BTBD8: variants seen among roughly 807,000 people sequenced by gnomAD.
The protein encoded by BTBD8 is BTB/POZ domain-containing protein 8.
A neutral mutation model predicts 162.9 loss-of-function variants in BTBD8; 110 were observed. The observed-to-expected ratio is 0.68, with a 90% confidence interval of 0.58 to 0.79. The LOEUF (loss-of-function observed/expected upper bound fraction) is 0.79. BTBD8 is among the 30% of genes least tolerant of loss of function. The pLI is 0.00. For synonymous variants in BTBD8, 667 were observed against 716.1 expected, an observed-to-expected ratio of 0.93 and a Z score of 1.10; for missense variants, 1,905 against 2,085.4, an observed-to-expected ratio of 0.91 and a Z score of 1.68.
chr1:92,148,153 A>G (rs186686814), intron 9 of BTBD8, among the ~76,000 whole-genome samples: 11 of 152,314 alleles, frequency 7.2e-5, no homozygotes, highest in South Asian at 2.1e-4. Flanking sequence ...GGAATCAGCC[A>G]TCTACCTGGT....
intron 12 of BTBD8, among the ~76,000 whole-genome samples, chr1:92,170,461 T>C (rs1232691335): frequency 1.3e-5 from 2 of 152,110 alleles, no homozygotes; most frequent in Non-Finnish European, 2.9e-5. Flanking sequence ...AATTTCTTCC[T>C]GTGTATTATT....
In BTBD8 at chr1:92,166,424, C is replaced by CTTTTT. The variant is rs35849731; in HGVS notation, c.1123-520_1123-516dup. The stretch of plus-strand genomic sequence containing the variant: ...TATTTTAGCTACTTTTCTTTTCTTT[C>CTTTTT]TTTTTTTTTTTTTTTTTTGAGATGG... On this transcript the variant is annotated intron_variant, in intron 9 of 17. Coordinates refer to ENST00000636805, the MANE Select transcript of BTBD8 (RefSeq NM_001376131.1). Among the ~76,000 whole-genome samples, 128 of 120,352 alleles carry CTTTTT rather than the reference C, an allele frequency of 1.1e-3. 1 individual carries two copies. Among genetic ancestry groups the CTTTTT allele is most frequent in the East Asian group, 2.1e-3 (9 of 4,206 alleles). The allele number at this position is 120,352 out of a possible 152,430, so 79.0% of individuals were successfully genotyped here.
At chr1:92,172,468 A>G (rs1418119220) in intron 13 of BTBD8, among the ~76,000 whole-genome samples, 3 of 152,218 alleles carry the variant, frequency 2.0e-5, no homozygotes, top group African/African-American at 7.2e-5. Context: ...GACCACCCAC[A>G]AGGTTATTTG....
intron 5 of BTBD8, among the ~76,000 whole-genome samples, chr1:92,136,623 A>G: frequency 6.6e-6 from 1 of 152,202 alleles, no homozygotes. Flanking sequence ...TGCAGAACAC[A>G]GTTCAGAAGG....
chr1:92,157,196 AGT>A (rs1280246767), intron 9 of BTBD8, among the ~76,000 whole-genome samples: 6 of 152,082 alleles, frequency 3.9e-5, no homozygotes, highest in African/African-American at 1.4e-4. Flanking sequence ...GTTGTTCAAA[AGT>A]GTGTTAATTT....
chr1:92,180,728 A>G lies in BTBD8; in HGVS notation c.3045A>G (p.Pro1015=), dbSNP rs1650866548. The change falls in exon 17 of 18, where the codon CCA becomes CCG. Residue 1015 remains proline, a synonymous_variant. Coordinates refer to ENST00000636805, the MANE Select transcript of BTBD8 (RefSeq NM_001376131.1). The part of the protein sequence containing the change: ...QSSCRPDPQK[P]LNDQEKEKLA... The stretch of plus-strand genomic sequence containing the variant: ...CCTGCAGGCCTGACCCACAAAAGCC[A>G]TTAAACGATCAAGAAAAAGAGAAGT... 1.3e-6 allele frequency: 2 copies of G among 1,551,784 alleles called. No individual in the cohort carries two copies. The highest frequency in any genetic ancestry group is 2.4e-5 in the South Asian group (2 of 84,062).
At chr1:92,178,240 A>G in intron 15 of BTBD8, 72 bp from the exon 16 acceptor site, 1 of 1,160,096 alleles carries the variant, frequency 8.6e-7, no homozygotes, top group East Asian at 2.6e-5. Flanking sequence ...AAACTGTTTC[A>G]GGTATTGGTC....
chr1:92,177,069 G>A lies in BTBD8; in HGVS notation c.1876G>A (p.Gly626Arg), dbSNP rs1650736861. 2 of 1,551,210 alleles carry A rather than the reference G, an allele frequency of 1.3e-6. No homozygotes were observed. The highest frequency in any genetic ancestry group is 1.7e-6 in the Non-Finnish European group (2 of 1,146,888). The change falls in exon 14 of 18, where the codon GGG becomes AGG. Residue 626 changes from glycine (G) to arginine (R), a missense_variant. This residue lies in a region of BTBD8 where 1,374 missense variants were observed against 1,442.7 expected (regional missense o/e 0.95). Transcript: ENST00000636805. ...TAAGATTACAAAAGAACTAAAAACT[G>A]GGGGAAAAAATGTTTCTGGAAAGCC... ...ASKITKELKT[G>R]GKNVSGKPKT...
chr1:92,138,119 GT>G (rs1041205543), intron 5 of BTBD8, among the ~76,000 whole-genome samples: 115 of 152,254 alleles, frequency 7.6e-4, no homozygotes, highest in African/African-American at 2.7e-3. Context: ...AGTTCTTAGG[GT>G]TACAGCAGGC....
chr1:92,159,008 C>T (rs1417838597), intron 9 of BTBD8, among the ~76,000 whole-genome samples: 1 of 152,140 alleles, frequency 6.6e-6, no homozygotes, highest in Non-Finnish European at 1.5e-5. Context: ...CTACCTAGTT[C>T]AGCTTCTGAA....
intron 15 of BTBD8, 144 bp from the exon 16 acceptor site, chr1:92,178,168 A>C: frequency 2.9e-6 from 2 of 681,586 alleles, no homozygotes; most frequent in Non-Finnish European, 4.9e-6. Context: ...TAAACTTAAA[A>C]AGACTTATGA....
At chr1:92,083,537 C>T (rs1301536767) in intron 1 of BTBD8, among the ~76,000 whole-genome samples, 1 of 152,042 alleles carries the variant, frequency 6.6e-6, no homozygotes, top group Non-Finnish European at 1.5e-5. Flanking sequence ...AATTTGGTAG[C>T]TTTATTCGGA....
At chr1:92,159,851 A>G (rs1650243286) in intron 9 of BTBD8, among the ~76,000 whole-genome samples, 2 of 152,036 alleles carry the variant, frequency 1.3e-5, no homozygotes, top group Admixed American at 1.3e-4. Context: ...TGGCAGTTTG[A>G]TTATATGTCT....
At position 92,143,191 on chromosome 1, in the gene BTBD8, G is replaced by A. The variant is rs1377284869; in HGVS notation, c.930+1980G>A. 2.6e-5 allele frequency among the ~76,000 whole-genome samples: 4 copies of A among 152,164 alleles called. No homozygotes were observed. The East Asian group carries it at 7.7e-4, about 29-fold the overall frequency. On this transcript the variant is annotated intron_variant, in intron 7 of 17. Coordinates refer to ENST00000636805, the MANE Select transcript of BTBD8 (RefSeq NM_001376131.1). ...AAAGCATTCGTTGGGAAAATAAAAA[G>A]TCTCATGTTAGTGTCTTCTCTGAGC...
intron 10 of BTBD8, among the ~76,000 whole-genome samples, chr1:92,167,498 C>A (rs1650415246): frequency 6.6e-6 from 1 of 152,204 alleles, no homozygotes; most frequent in Non-Finnish European, 1.5e-5. Context: ...TGGGAAGCTA[C>A]TTTCTCTAAA....
intron 4 of BTBD8, among the ~76,000 whole-genome samples, chr1:92,108,533 G>A (rs1648802817): frequency 6.6e-6 from 1 of 152,150 alleles, no homozygotes; most frequent in African/African-American, 2.4e-5. Flanking sequence ...ATATTTCAAT[G>A]TACTTTTTAA....
chr1:92,150,458 C>T (rs925499131), intron 9 of BTBD8: 5 of 152,218 alleles, frequency 3.3e-5, no homozygotes, highest in African/African-American at 9.6e-5. Flanking sequence ...AGTTCCAAAG[C>T]AATCACAAAT....
At position 92,167,872 on chromosome 1, in the gene BTBD8, GAT is replaced by G. The variant is rs1557462600; in HGVS notation, c.1331_1332del (p.Asp444AlafsTer10). On this transcript the variant is annotated frameshift_variant, in exon 11 of 18. Coordinates refer to ENST00000636805, the MANE Select transcript of BTBD8 (RefSeq NM_001376131.1). LOFTEE classifies it high-confidence loss of function. ...GTCACAAGCAATGAGCAGCACAGCC[GAT>G]CTGTTGGACACAATTTTAAAAGCAA... Reference protein sequence around the residue: ...LQSQAMSSTADLLDTILKAIE... With the variant: ...LQSQAMSSTAXLLDTILKAIE... 5.8e-6 allele frequency: 9 copies of G among 1,550,258 alleles called. No individual in the cohort carries two copies. The highest frequency in any genetic ancestry group is 7.9e-6 in the Non-Finnish European group (9 of 1,146,050).
At chr1:92,131,597 G>A (rs571936020) in intron 5 of BTBD8, among the ~76,000 whole-genome samples, 1 of 152,068 alleles carries the variant, frequency 6.6e-6, no homozygotes, top group Non-Finnish European at 1.5e-5. Context: ...GATGGCACGT[G>A]CCTGTAATCC....
Sources: gnomAD v4.1 joint callset for allele counts (sites outside exome capture counted in the v4.1 genomes callset) on GRCh38, gnomAD v4.1.1 for gene constraint, gnomAD v4.1.1 regional missense constraint, MANE v1.5 for transcripts, NCBI Gene and HGNC (gene_info 2026-07-23, HGNC 2026-07-21) for gene names.